Variants in DENND5A observed in about 807,000 individuals in gnomAD.
DENND5A encodes DENN domain containing 5A, also known as DENN domain-containing protein 5A.
Under a neutral mutation model 140.3 loss-of-function variants are expected in DENND5A, and 64 were observed. That is an observed-to-expected ratio of 0.46 (90% CI 0.37 to 0.56). DENND5A has a LOEUF of 0.56. Among genes scored for constraint, DENND5A ranks in the 20% least tolerant of loss-of-function variants. DENND5A has a pLI of 0.00. For synonymous variants in DENND5A, 605 were observed against 607.7 expected (o/e 1.00, Z 0.07); for missense variants, 1,292 against 1,593.8 (o/e 0.81, Z 3.22).
intron 1 of DENND5A, among the ~76,000 whole-genome samples, chr11:9,221,075 C>A (rs1336362591): frequency 1.3e-5 from 2 of 151,776 alleles, no homozygotes; most frequent in Non-Finnish European, 2.9e-5. Flanking sequence ...GAGCAAGACA[C>A]TGTCTAAAAA....
intron 5 of DENND5A, among the ~76,000 whole-genome samples, chr11:9,188,014 G>A (rs1157998684): frequency 2.0e-5 from 3 of 152,184 alleles, no homozygotes; most frequent in East Asian, 1.9e-4. Flanking sequence ...CCCCTTATAC[G>A]GTCCCAGGTA....
chr11:9,229,037 T>C (rs1850653177), intron 1 of DENND5A, among the ~76,000 whole-genome samples: 1 of 152,226 alleles, frequency 6.6e-6, no homozygotes, highest in African/African-American at 2.4e-5. Flanking sequence ...TCTGGGACTT[T>C]ACTGGCATCT....
rs531703428 is a variant in DENND5A, at chr11:9,238,992, C to T, written c.109+25969G>A. Reference sequence around the variant, plus strand: ...GATTACAGGTGCACGCCACCACACCCGGCTAATTTTTGTATTTTTAGTAGA... The same window carrying T: ...GATTACAGGTGCACGCCACCACACCTGGCTAATTTTTGTATTTTTAGTAGA... On this transcript the variant is annotated intron_variant, in intron 1 of 22. Transcript: ENST00000328194. 2.7e-5 allele frequency among the ~76,000 whole-genome samples: 4 copies of T among 150,624 alleles called. No homozygotes were observed. In the South Asian group the frequency reaches 8.4e-4, roughly 32 times the overall value.
intron 1 of DENND5A, among the ~76,000 whole-genome samples, chr11:9,231,589 C>T (rs1448584442): frequency 6.6e-6 from 1 of 151,908 alleles, no homozygotes; most frequent in African/African-American, 2.4e-5. Context: ...GTGGCGCATG[C>T]CTGTAATCCT....
At chr11:9,252,466 T>C (rs1851770844) in intron 1 of DENND5A, among the ~76,000 whole-genome samples, 1 of 151,870 alleles carries the variant, frequency 6.6e-6, no homozygotes, top group Non-Finnish European at 1.5e-5. Context: ...CTGGCCAACA[T>C]GACGAAAGCG....
chr11:9,168,092 A>ATTTTTTTTTTTTTTTTT (rs11285106), intron 10 of DENND5A, among the ~76,000 whole-genome samples: 7 of 141,974 alleles, frequency 4.9e-5, no homozygotes, highest in African/African-American at 1.8e-4. Flanking sequence ...AACCTCAGTG[A>ATTTTTTTTTTTTTTTTT]TTTTTTTTTT....
At chr11:9,169,749 G>C in intron 10 of DENND5A, 107 bp downstream of exon 10, 1 of 725,358 alleles carries the variant, frequency 1.4e-6, no homozygotes. Context: ...TATGGGGTGA[G>C]GTCATTGCTG....
chr11:9,144,062 T>C (rs774279727), intron 19 of DENND5A, 35 bp downstream of exon 19: 2 of 1,600,662 alleles, frequency 1.2e-6, no homozygotes, highest in East Asian at 2.2e-5. Context: ...CCCTAGACTG[T>C]ATGGCATGAG....
rs372308794 is a variant in DENND5A at position 9,187,469 on chromosome 11, G to A, written c.1137+6025C>T. 1.3e-4 allele frequency among the ~76,000 whole-genome samples: 20 copies of A among 152,194 alleles called. No individual in the cohort carries two copies. In the East Asian group the frequency reaches 2.7e-3, roughly 21 times the overall value. ...CCAAGAAGTCTCCCAAATATCTTCC[G>A]CTCAAGGTCACAATGATCTTTCCCA... On this transcript the variant is annotated intron_variant, in intron 5 of 22. Coordinates refer to ENST00000328194, the MANE Select transcript of DENND5A (RefSeq NM_015213.4).
At chr11:9,209,222 G>A (rs777582873) in intron 1 of DENND5A, among the ~76,000 whole-genome samples, 4 of 152,168 alleles carry the variant, frequency 2.6e-5, no homozygotes, top group Non-Finnish European at 5.9e-5. Flanking sequence ...TTCCTAAAAT[G>A]GCTCTAGGCG....
intron 1 of DENND5A, among the ~76,000 whole-genome samples, chr11:9,210,988 C>A (rs570399148): frequency 1.1e-4 from 16 of 152,290 alleles, no homozygotes; most frequent in African/African-American, 3.6e-4. Context: ...GACCAACTTT[C>A]CTGCAGACAA....
rs199552458 is a variant in DENND5A at position 9,178,284 on chromosome 11, A to G, written c.1754T>C (p.Ile585Thr). ...FLETQMFASF[I>T]DNKIMCHDDD... ...ATCATGACACATTATTTTGTTGTCA[A>G]TGAAAGATGCAAACATCTGGGTCTC... The change falls in exon 8 of 23, where the codon ATT becomes ACT. Residue 585 changes from isoleucine (I) to threonine (T), a missense_variant. By Grantham distance (89) the Ile-to-Thr change is moderately conservative. Coordinates refer to ENST00000328194, the MANE Select transcript of DENND5A (RefSeq NM_015213.4). 6.9e-5 allele frequency: 111 copies of G among 1,613,978 alleles called. No individual in the cohort carries two copies. The highest frequency in any genetic ancestry group is 8.8e-5 in the Non-Finnish European group (104 of 1,179,954).
intron 1 of DENND5A, among the ~76,000 whole-genome samples, chr11:9,259,567 AAAAC>A (rs201218916): frequency 1.9e-4 from 29 of 151,894 alleles, no homozygotes; most frequent in South Asian, 4.2e-4. Flanking sequence ...CTCCCATCTC[AAAAC>A]AAACAAACAA....
At chr11:9,145,960 CAGG>C in intron 16 of DENND5A, 145 bp from the exon 17 acceptor site, 1 of 847,466 alleles carries the variant, frequency 1.2e-6, no homozygotes, top group Non-Finnish European at 1.9e-6. Flanking sequence ...AAGAGGGCCC[CAGG>C]ACCTAGTCCC....
At chr11:9,232,733 G>A (rs867813821) in intron 1 of DENND5A, among the ~76,000 whole-genome samples, 2 of 152,106 alleles carry the variant, frequency 1.3e-5, no homozygotes, top group Non-Finnish European at 2.9e-5. Context: ...ATACCCAACA[G>A]ACCAAAAGCC....
chr11:9,260,027 CAAAAAAA>C (rs56390201), intron 1 of DENND5A, among the ~76,000 whole-genome samples: 3 of 63,930 alleles, frequency 4.7e-5, no homozygotes, highest in African/African-American at 1.1e-4. Flanking sequence ...GACTCCATCT[CAAAAAAA>C]AAAAAAAAAA....
At chr11:9,179,193 T>A in intron 6 of DENND5A, 120 bp from the exon 7 acceptor site, 1 of 816,980 alleles carries the variant, frequency 1.2e-6, no homozygotes, top group Non-Finnish European at 1.9e-6. Context: ...TAGCAGGAAA[T>A]GATGAGAACA....
intron 15 of DENND5A, among the ~76,000 whole-genome samples, chr11:9,149,825 C>T (rs1847552936): frequency 6.6e-6 from 1 of 152,214 alleles, no homozygotes; most frequent in Non-Finnish European, 1.5e-5. Flanking sequence ...AGGAAGACCT[C>T]ATCCTTCCCA....
At chr11:9,169,580 T>A (rs914339982) in intron 10 of DENND5A, among the ~76,000 whole-genome samples, 31 of 151,538 alleles carry the variant, frequency 2.0e-4, no homozygotes, top group African/African-American at 6.3e-4. Context: ...GACTCTTAAC[T>A]TCTGAGGTTC....
Sources: gnomAD v4.1 joint callset for allele counts (sites outside exome capture counted in the v4.1 genomes callset) on GRCh38, gnomAD v4.1.1 for gene constraint, MANE v1.5 for transcripts, NCBI Gene and HGNC (gene_info 2026-07-23, HGNC 2026-07-21) for gene names.